GPM6B: variants seen among roughly 807,000 people sequenced by gnomAD.
The protein encoded by GPM6B is glycoprotein M6B.
In GPM6B, 4 loss-of-function variants were observed where a neutral mutation model predicts 27.2. That is an observed-to-expected ratio of 0.15 (90% confidence interval 0.07 to 0.34). The LOEUF (loss-of-function observed/expected upper bound fraction) is 0.34, where lower values mean the gene tolerates loss of function less well. GPM6B is among the 10% of genes least tolerant of loss of function. The pLI is 1.00. For missense variants in GPM6B, 183 were observed against 261.9 expected (o/e 0.70, Z 2.08); for synonymous variants, 124 against 103.1 (o/e 1.20, Z -1.23).
upstream of GPM6B, among the ~76,000 whole-genome samples, chrX:13,822,188 T>C (rs938972821): frequency 3.2e-4 from 36 of 111,635 alleles, no homozygotes; most frequent in African/African-American, 1.0e-3. Context: ...AGAAACACCC[T>C]GGCATAATCC....
intron 1 of GPM6B, among the ~76,000 whole-genome samples, chrX:13,870,889 G>A (rs895154118): frequency 2.0e-5 from 2 of 101,965 alleles, no homozygotes; most frequent in African/African-American, 7.3e-5. Flanking sequence ...GGGTAACATA[G>A]CAAGACCCTG....
chrX:13,784,921 C>T (rs1486841917), intron 3 of GPM6B, among the ~76,000 whole-genome samples: 1 of 111,628 alleles, frequency 9.0e-6, no homozygotes, highest in African/African-American at 3.3e-5. Flanking sequence ...GGTCAGTCCT[C>T]AACAGGGCTC....
At chrX:13,795,035 T>C (rs2048784465) in intron 2 of GPM6B, among the ~76,000 whole-genome samples, 1 of 112,469 alleles carries the variant, frequency 8.9e-6, no homozygotes, top group Non-Finnish European at 1.9e-5. Flanking sequence ...ATAGTATCTG[T>C]TGCCAATCAA....
intron 7 of GPM6B, chrX:13,773,275 G>C (rs1397827985): frequency 4.5e-6 from 1 of 224,087 alleles, no homozygotes; most frequent in Non-Finnish European, 7.9e-6. Flanking sequence ...CAAAGGTATT[G>C]TTAAGAAAAA....
At chrX:13,889,926 C>T (rs901527822) in intron 1 of GPM6B, among the ~76,000 whole-genome samples, 10 of 110,593 alleles carry the variant, frequency 9.0e-5, no homozygotes, top group Non-Finnish European at 1.3e-4. Flanking sequence ...AGAATACTTG[C>T]GACAGTAGTG....
At chrX:13,845,651 T>C (rs896227490) in intron 1 of GPM6B, among the ~76,000 whole-genome samples, 1 of 111,813 alleles carries the variant, frequency 8.9e-6, no homozygotes, top group Non-Finnish European at 1.9e-5. Flanking sequence ...TTCTACCACT[T>C]CTATGGGATG....
intron 1 of GPM6B, among the ~76,000 whole-genome samples, chrX:13,851,974 C>T (rs1007416836): frequency 1.8e-5 from 2 of 108,530 alleles, no homozygotes; most frequent in African/African-American, 6.7e-5. Context: ...TTTCAAATGA[C>T]TACCATTGGC....
At chrX:13,887,119 C>T (rs1008929433) in intron 1 of GPM6B, among the ~76,000 whole-genome samples, 9 of 112,037 alleles carry the variant, frequency 8.0e-5, no homozygotes, top group South Asian at 7.4e-4. Flanking sequence ...GTGCCTGGCC[C>T]GAGCCTTCAT....
intron 1 of GPM6B, among the ~76,000 whole-genome samples, chrX:13,868,402 A>G (rs1001224594): frequency 8.9e-6 from 1 of 112,044 alleles, no homozygotes; most frequent in Non-Finnish European, 1.9e-5. Flanking sequence ...AACTGTATAT[A>G]ACTGTAGGAC....
At chrX:13,861,728 G>C (rs1340115119) in intron 1 of GPM6B, among the ~76,000 whole-genome samples, 1 of 111,766 alleles carries the variant, frequency 8.9e-6, no homozygotes, top group African/African-American at 3.3e-5. Flanking sequence ...AATTGAAAAA[G>C]TAACCTAGAC....
chrX:13,830,962 C>T (rs2049431539), intron 1 of GPM6B, among the ~76,000 whole-genome samples: 1 of 110,424 alleles, frequency 9.1e-6, no homozygotes, highest in African/African-American at 3.3e-5. Context: ...GTCGCTGTGG[C>T]CATGTGGTGG....
chrX:13,843,182 T>C (rs1244115681), intron 1 of GPM6B, among the ~76,000 whole-genome samples: 2 of 112,375 alleles, frequency 1.8e-5, no homozygotes, highest in African/African-American at 6.5e-5. Context: ...TAAACTTGCC[T>C]TTTCTGGACA....
intron 1 of GPM6B, among the ~76,000 whole-genome samples, chrX:13,878,723 G>C (rs1197203158): frequency 8.9e-6 from 1 of 111,806 alleles, no homozygotes; most frequent in Non-Finnish European, 1.9e-5. Flanking sequence ...ATAGAATTAA[G>C]GTTGCTAATC....
intron 1 of GPM6B, among the ~76,000 whole-genome samples, chrX:13,842,381 A>G (rs1324034883): frequency 4.5e-5 from 5 of 112,039 alleles, no homozygotes; most frequent in Admixed American, 2.8e-4. Context: ...TTGGCGAAAT[A>G]TATCATAAAG....
At chrX:13,807,063 C>A (rs769829186) in intron 2 of GPM6B, among the ~76,000 whole-genome samples, 2 of 112,223 alleles carry the variant, frequency 1.8e-5, no homozygotes, top group Non-Finnish European at 3.8e-5. Flanking sequence ...GGCCAATGTT[C>A]CTCACGAGCA....
chrX:13,847,792 G>C (rs1185321291), intron 1 of GPM6B, among the ~76,000 whole-genome samples: 2 of 112,269 alleles, frequency 1.8e-5, no homozygotes, highest in Admixed American at 1.9e-4. Context: ...AGATAAGATT[G>C]GAGGTGTTTA....
chrX:13,868,820 A>T (rs1361610421), intron 1 of GPM6B, among the ~76,000 whole-genome samples: 3 of 112,434 alleles, frequency 2.7e-5, no homozygotes, highest in Non-Finnish European at 5.6e-5. Context: ...ATGGATTTGG[A>T]CATAACATAA....
intron 5 of GPM6B, among the ~76,000 whole-genome samples, chrX:13,778,039 A>G (rs1228608126): frequency 1.0e-5 from 1 of 99,140 alleles, no homozygotes; most frequent in Admixed American, 1.2e-4. Flanking sequence ...TTTGGACTGA[A>G]AATCAAATTG....
At chrX:13,908,236 A>C (rs1422655487) in intron 1 of GPM6B, among the ~76,000 whole-genome samples, 1 of 111,552 alleles carries the variant, frequency 9.0e-6, no homozygotes, top group Non-Finnish European at 1.9e-5. Context: ...AATTGATCAA[A>C]ACCTGCAGAT....
Sources: allele counts gnomAD v4.1 joint callset (sites outside exome capture counted in the v4.1 genomes callset), GRCh38; gene constraint gnomAD v4.1.1; transcripts MANE v1.5; gene names NCBI Gene and HGNC (gene_info 2026-07-23, HGNC 2026-07-21).